Variants in PAK5 observed in about 807,000 individuals in gnomAD.
PAK5 encodes the protein p21 (RAC1) activated kinase 5, also known as serine/threonine-protein kinase PAK 5.
In PAK5, 16 loss-of-function variants were observed where a neutral mutation model predicts 65.9. The observed-to-expected ratio is 0.24, with a 90% CI of 0.16 to 0.37. The LOEUF (loss-of-function observed/expected upper bound fraction) is 0.37, where lower values mean the gene tolerates loss of function less well. Among genes scored for constraint, PAK5 ranks in the 10% least tolerant of loss-of-function variants. The pLI is 1.00. For missense variants in PAK5, 785 were observed against 903.9 expected (o/e 0.87, Z 1.69); for synonymous variants, 371 against 354.9 (o/e 1.05, Z -0.51).
intron 2 of PAK5, among the ~76,000 whole-genome samples, chr20:9,648,955 G>A (rs754987509): frequency 1.3e-5 from 2 of 152,096 alleles, no homozygotes; most frequent in Admixed American, 6.5e-5. Flanking sequence ...TCCTACAGAA[G>A]AAAAGATCCC....
At chr20:9,816,825 CTATTACTACTGG>C (rs2049362984) in intron 1 of PAK5, among the ~76,000 whole-genome samples, 1 of 152,098 alleles carries the variant, frequency 6.6e-6, no homozygotes, top group Admixed American at 6.6e-5. Context: ...GCAGCCATGA[CTATTACTACTGG>C]TATCAGTTCT....
intron 3 of PAK5, among the ~76,000 whole-genome samples, chr20:9,585,136 A>T (rs928922287): frequency 6.6e-6 from 1 of 152,160 alleles, no homozygotes; most frequent in African/African-American, 2.4e-5. Flanking sequence ...TCCTAGAAAA[A>T]TATTATTTCT....
Position 9,550,589 on chromosome 20 carries a change from T to A in PAK5, c.1744-6095A>T, listed in dbSNP as rs529893072. 5.3e-5 allele frequency among the ~76,000 whole-genome samples: 8 copies of A among 152,310 alleles called. No individual in the cohort carries two copies. In the South Asian group the frequency reaches 1.7e-3, roughly 32 times the overall value. The stretch of plus-strand genomic sequence containing the variant: ...TATACCTCATAATAATGTAGTTGAC[T>A]TTGATAGACAATGTTCAAATCATTC... On this transcript the variant is annotated intron_variant, in intron 7 of 9. Transcript: ENST00000353224.
chr20:9,556,522 G>A (rs1051418493), intron 7 of PAK5, among the ~76,000 whole-genome samples: 2 of 152,206 alleles, frequency 1.3e-5, no homozygotes, highest in Non-Finnish European at 2.9e-5. Flanking sequence ...CAAGGGAATG[G>A]TTGGCTCCAT....
intron 3 of PAK5, among the ~76,000 whole-genome samples, chr20:9,627,721 G>A (rs1021770432): frequency 6.6e-6 from 1 of 152,008 alleles, no homozygotes; most frequent in Non-Finnish European, 1.5e-5. Flanking sequence ...CCGCCTCCTG[G>A]GTTCAAGTGA....
At chr20:9,648,112 A>AC (rs1185992899) in intron 2 of PAK5, among the ~76,000 whole-genome samples, 2 of 152,116 alleles carry the variant, frequency 1.3e-5, no homozygotes, top group Admixed American at 6.5e-5. Flanking sequence ...CCCAAAGACC[A>AC]CCCCCAGGCT....
chr20:9,571,176 T>C (rs1365723267), intron 4 of PAK5, among the ~76,000 whole-genome samples: 3 of 152,206 alleles, frequency 2.0e-5, no homozygotes, highest in Non-Finnish European at 2.9e-5. Flanking sequence ...TGAGGGGACA[T>C]GTAGTCTTCC....
At chr20:9,821,118 A>T (rs1309761155) in intron 1 of PAK5, among the ~76,000 whole-genome samples, 1 of 152,158 alleles carries the variant, frequency 6.6e-6, no homozygotes, top group African/African-American at 2.4e-5. Context: ...GCGATGGCTT[A>T]CACCTGTAAT....
intron 1 of PAK5, among the ~76,000 whole-genome samples, chr20:9,754,645 G>C (rs1359025560): frequency 6.6e-6 from 1 of 152,114 alleles, no homozygotes; most frequent in East Asian, 1.9e-4. Context: ...TCGTTAATTT[G>C]TTAGTCCTAC....
At chr20:9,679,140 T>C (rs145650256) in intron 2 of PAK5, among the ~76,000 whole-genome samples, 5 of 152,342 alleles carry the variant, frequency 3.3e-5, no homozygotes, top group Middle Eastern at 3.4e-3. Flanking sequence ...TTCCACTTAA[T>C]GAATAGTAAA....
chr20:9,783,082 A>G (rs557335063), intron 1 of PAK5, among the ~76,000 whole-genome samples: 52 of 152,060 alleles, frequency 3.4e-4, no homozygotes, highest in Non-Finnish European at 5.0e-4. Flanking sequence ...GGCATATGCC[A>G]TGTGCCACCA....
intron 3 of PAK5, among the ~76,000 whole-genome samples, chr20:9,616,609 C>A (rs1021215206): frequency 6.6e-6 from 1 of 152,218 alleles, no homozygotes; most frequent in African/African-American, 2.4e-5. Flanking sequence ...CTAACAAGCT[C>A]CCAGGGGATG....
rs2046308926 is a variant in PAK5 at position 9,598,461 on chromosome 20, T to G, written c.205-17531A>C. Among the ~76,000 whole-genome samples, 4 of 152,236 alleles carry G rather than the reference T, an allele frequency of 2.6e-5. No homozygotes were observed. In the South Asian group the frequency reaches 8.3e-4, roughly 31 times the overall value. On this transcript the variant is annotated intron_variant, in intron 3 of 9. Transcript: ENST00000353224. The stretch of plus-strand genomic sequence containing the variant: ...TTATAATAGAATGATTAATGTTCCT[T>G]TGGGTATATACCTAGTAATGGGATT...
intron 2 of PAK5, among the ~76,000 whole-genome samples, chr20:9,651,611 G>A (rs1172379741): frequency 6.6e-6 from 1 of 152,158 alleles, no homozygotes; most frequent in East Asian, 1.9e-4. Flanking sequence ...ATAAAAATTG[G>A]TTAAAATGGT....
chr20:9,816,304 C>G (rs970943477), intron 1 of PAK5, among the ~76,000 whole-genome samples: 1 of 152,182 alleles, frequency 6.6e-6, no homozygotes, highest in Non-Finnish European at 1.5e-5. Context: ...AGTATATTAT[C>G]TGTCCCATTA....
At chr20:9,777,907 A>T (rs2048903164) in intron 1 of PAK5, among the ~76,000 whole-genome samples, 1 of 152,112 alleles carries the variant, frequency 6.6e-6, no homozygotes, top group African/African-American at 2.4e-5. Flanking sequence ...CAAGAATGAT[A>T]TTTCCTGCAT....
intron 2 of PAK5, among the ~76,000 whole-genome samples, chr20:9,700,536 AT>A (rs1183370462): frequency 6.6e-6 from 1 of 152,182 alleles, no homozygotes; most frequent in Non-Finnish European, 1.5e-5. Flanking sequence ...TAGATCCATC[AT>A]GCACTAGTTT....
intron 1 of PAK5, among the ~76,000 whole-genome samples, chr20:9,745,713 A>G (rs1422818698): frequency 6.6e-6 from 1 of 152,122 alleles, no homozygotes. Context: ...GCATTTTAAC[A>G]TGCTTTTGGT....
At chr20:9,816,419 C>A (rs2049357788) in intron 1 of PAK5, among the ~76,000 whole-genome samples, 1 of 152,076 alleles carries the variant, frequency 6.6e-6, no homozygotes, top group Admixed American at 6.6e-5. Flanking sequence ...CTGGGTATGT[C>A]CATCGGAGTG....
Sources: gnomAD v4.1 joint callset for allele counts (sites outside exome capture counted in the v4.1 genomes callset) on GRCh38, gnomAD v4.1.1 for gene constraint, MANE v1.5 for transcripts, NCBI Gene and HGNC (gene_info 2026-07-23, HGNC 2026-07-21) for gene names.